OSBPL10: variants seen among roughly 807,000 people sequenced by gnomAD.
OSBPL10 encodes the protein oxysterol binding protein like 10, also known as oxysterol-binding protein-related protein 10.
OSBPL10 carries 49 observed loss-of-function variants against 81.7 expected under a neutral mutation model. That is an observed-to-expected ratio of 0.60 (90% confidence interval 0.48 to 0.76). The LOEUF (loss-of-function observed/expected upper bound fraction) is 0.76, where lower values mean the gene tolerates loss of function less well. Ranked by LOEUF, OSBPL10 falls within the 30% of genes least tolerant of loss-of-function variation. OSBPL10 has a pLI of 0.00. For synonymous variants in OSBPL10, 419 were observed against 383.6 expected (o/e 1.09, Z -1.08); for missense variants, 923 against 987.8 (o/e 0.93, Z 0.88).
At chr3:31,999,513 ACCACGC>A (rs1699124648) in intron 2 of OSBPL10, among the ~76,000 whole-genome samples, 1 of 151,870 alleles carries the variant, frequency 6.6e-6, no homozygotes, top group Non-Finnish European at 1.5e-5. Context: ...GGCATGCACA[ACCACGC>A]CCACCTAATT....
chr3:31,761,592 G>C (rs561376283), intron 4 of OSBPL10, among the ~76,000 whole-genome samples: 5 of 151,532 alleles, frequency 3.3e-5, no homozygotes, highest in African/African-American at 4.9e-5. Flanking sequence ...CGAAGTGGGC[G>C]GATCACTTGA....
chr3:31,974,992 G>A (rs1698655572), intron 1 of OSBPL10, among the ~76,000 whole-genome samples: 1 of 152,156 alleles, frequency 6.6e-6, no homozygotes, highest in Non-Finnish European at 1.5e-5. Context: ...ACAGACAAGA[G>A]AAGATAATGG....
intron 4 of OSBPL10, among the ~76,000 whole-genome samples, chr3:31,763,957 C>A (rs1698131742): frequency 6.6e-6 from 1 of 152,172 alleles, no homozygotes. Context: ...ATTGTATCCC[C>A]ACTGGGTAAA....
intron 8 of OSBPL10, among the ~76,000 whole-genome samples, chr3:31,680,612 G>A (rs759735310): frequency 2.6e-5 from 4 of 152,198 alleles, no homozygotes; most frequent in Non-Finnish European, 5.9e-5. Flanking sequence ...GAACCCTTTC[G>A]GAAATAAACT....
intron 4 of OSBPL10, among the ~76,000 whole-genome samples, chr3:31,823,937 C>CA (rs1036196247): frequency 6.6e-6 from 1 of 151,988 alleles, no homozygotes; most frequent in African/African-American, 2.4e-5. Context: ...GTGCAGCCTC[C>CA]ACTGCCCAGG....
intron 2 of OSBPL10, among the ~76,000 whole-genome samples, chr3:32,041,021 GCAA>G (rs1341597092): frequency 1.3e-5 from 2 of 152,150 alleles, no homozygotes; most frequent in Non-Finnish European, 2.9e-5. Context: ...TAACACAGAT[GCAA>G]CTTGCTTGAA....
chr3:32,073,331 A>G (rs1699847040), intron 1 of OSBPL10, among the ~76,000 whole-genome samples: 1 of 152,100 alleles, frequency 6.6e-6, no homozygotes, highest in Non-Finnish European at 1.5e-5. Flanking sequence ...CTGGACGATC[A>G]GTTCTTGTTA....
At chr3:31,980,323 C>T (rs1698797852) in intron 1 of OSBPL10, among the ~76,000 whole-genome samples, 1 of 152,180 alleles carries the variant, frequency 6.6e-6, no homozygotes, top group South Asian at 2.1e-4. Flanking sequence ...TTAAACAAAA[C>T]TTCCATTACA....
intron 1 of OSBPL10, among the ~76,000 whole-genome samples, chr3:32,076,055 A>G (rs4539972): frequency 0.68 from 103,986 of 151,990 alleles, 38,242 homozygotes; most frequent in South Asian, 0.81. Context: ...TAACTCCACC[A>G]CCTATCCCAA....
chr3:32,053,057 G>C (rs1028615522), intron 1 of OSBPL10, among the ~76,000 whole-genome samples: 2 of 152,180 alleles, frequency 1.3e-5, no homozygotes, highest in African/African-American at 4.8e-5. Flanking sequence ...ATGCCCCCTG[G>C]CTATGCTGGA....
chr3:31,965,527 ATAT>A lies in OSBPL10; in HGVS notation c.281+15369_281+15371del, dbSNP rs1261892899. ...TAAAATAGATAATATATAAACTATT[ATAT>A]TATATAAATTATATATTATATATTA... On this transcript the variant is annotated intron_variant, in intron 1 of 11. Coordinates refer to ENST00000396556, the MANE Select transcript of OSBPL10 (RefSeq NM_017784.5). 6.7e-5 allele frequency among the ~76,000 whole-genome samples: 4 copies of A among 59,284 alleles called. 1 individual carries two copies. The highest frequency in any genetic ancestry group is 1.1e-4 in the African/African-American group (1 of 8,790). The allele number at this position is 59,284 out of a possible 152,430, so 38.9% of individuals were successfully genotyped here.
chr3:31,708,105 A>T (rs1415600395), intron 6 of OSBPL10, among the ~76,000 whole-genome samples: 1 of 152,108 alleles, frequency 6.6e-6, no homozygotes, highest in Non-Finnish European at 1.5e-5. Flanking sequence ...AAATTTTTAA[A>T]TTTTTTATTA....
At chr3:31,758,523 A>T (rs1697949837) in intron 4 of OSBPL10, among the ~76,000 whole-genome samples, 1 of 152,098 alleles carries the variant, frequency 6.6e-6, no homozygotes, top group Non-Finnish European at 1.5e-5. Flanking sequence ...CATTTCAATC[A>T]AGCCCACTGA....
intron 2 of OSBPL10, among the ~76,000 whole-genome samples, chr3:32,008,448 C>T (rs1391981287): frequency 2.0e-5 from 3 of 151,812 alleles, no homozygotes; most frequent in African/African-American, 7.3e-5. Context: ...CCACCGCGTC[C>T]AGCCTGAAAT....
chr3:31,895,091 ATG>A (rs1696012782), intron 1 of OSBPL10, among the ~76,000 whole-genome samples: 1 of 149,966 alleles, frequency 6.7e-6, no homozygotes, highest in South Asian at 2.1e-4. Context: ...AACTGCTTTT[ATG>A]TGACAGAACA....
intron 1 of OSBPL10, among the ~76,000 whole-genome samples, chr3:32,072,657 C>A (rs545716045): frequency 6.6e-6 from 1 of 152,156 alleles, no homozygotes; most frequent in Non-Finnish European, 1.5e-5. Context: ...TTCTACTAAT[C>A]CTCAGGGATT....
In OSBPL10 at chr3:31,733,079, A is replaced by T. The variant is rs917225315; in HGVS notation, c.1095+178T>A. On this transcript the variant is annotated intron_variant, in intron 6 of 11. Coordinates refer to ENST00000396556, the MANE Select transcript of OSBPL10 (RefSeq NM_017784.5). ...TCACCCACAGCAGCTGCCAGACACA[A>T]GAACATGAGAAGTGCCGGGCATGCA... The T allele has an allele frequency of 1.3e-5, 10 of 762,436 alleles. No homozygotes were observed. In the African/African-American group the frequency reaches 1.6e-4, roughly 12 times the overall value. The allele number at this position is 762,436 out of a possible 1,614,324, so 47.2% of individuals were successfully genotyped here. A position where few individuals can be genotyped will look rare whatever the true frequency, so the allele number is the denominator to read the frequency against.
intron 4 of OSBPL10, among the ~76,000 whole-genome samples, chr3:31,756,769 A>C (rs1254719382): frequency 1.7e-4 from 26 of 152,208 alleles, no homozygotes; most frequent in Admixed American, 1.7e-3. Flanking sequence ...TAGTGTATTT[A>C]CATTTGAAAT....
intron 3 of OSBPL10, among the ~76,000 whole-genome samples, chr3:31,830,955 A>C (rs1160670918): frequency 6.6e-6 from 1 of 152,314 alleles, no homozygotes. Flanking sequence ...TGAATTTTTC[A>C]GTAAATGTTG....
Sources: allele counts gnomAD v4.1 joint callset (sites outside exome capture counted in the v4.1 genomes callset), GRCh38; gene constraint gnomAD v4.1.1; transcripts MANE v1.5; gene names NCBI Gene and HGNC (gene_info 2026-07-23, HGNC 2026-07-21).